Variants in CGNL1 observed in about 807,000 individuals in gnomAD.
CGNL1 encodes the protein cingulin like 1.
A neutral mutation model predicts 141.2 loss-of-function variants in CGNL1; 132 were observed. The observed-to-expected ratio is 0.93, with a 90% CI of 0.81 to 1.08. The LOEUF is 1.08. CGNL1 is among the 50% of genes least tolerant of loss of function. The pLI, the probability that CGNL1 is intolerant of heterozygous loss-of-function variation, is 0.00. For synonymous variants in CGNL1, 690 were observed against 622.1 expected, an observed-to-expected ratio of 1.11 and a Z score of -1.63; for missense variants, 1,870 against 1,588.6, an observed-to-expected ratio of 1.18 and a Z score of -3.01.
intron 3 of CGNL1, among the ~76,000 whole-genome samples, chr15:57,441,251 A>C (rs79248970): frequency 2.0e-5 from 3 of 148,448 alleles, no homozygotes; most frequent in African/African-American, 7.5e-5. Context: ...TGAAAGGGGG[A>C]AAAAAAAAGT....
chr15:57,496,931 A>G, intron 8 of CGNL1, among the ~76,000 whole-genome samples: 1 of 152,338 alleles, frequency 6.6e-6, no homozygotes, highest in South Asian at 2.1e-4. Flanking sequence ...GCCAGGGGCC[A>G]GGCACAGCAA....
At chr15:57,510,801 T>C (rs562773190) in intron 8 of CGNL1, among the ~76,000 whole-genome samples, 11 of 152,200 alleles carry the variant, frequency 7.2e-5, no homozygotes, top group Admixed American at 5.2e-4. Flanking sequence ...TCCTGGGCCA[T>C]CTGGGCCTTT....
chr15:57,421,986 C>G (rs1410504475), intron 1 of CGNL1, among the ~76,000 whole-genome samples: 1 of 151,980 alleles, frequency 6.6e-6, no homozygotes, highest in East Asian at 1.9e-4. Context: ...TTAGATTGAT[C>G]ATCATGTCTT....
At chr15:57,418,099 C>T (rs1169029510) in intron 1 of CGNL1, among the ~76,000 whole-genome samples, 2 of 152,030 alleles carry the variant, frequency 1.3e-5, no homozygotes, top group East Asian at 1.9e-4. Flanking sequence ...GAAGCATTTA[C>T]AAGAGAGGAG....
At chr15:57,389,371 G>C (rs2062518036) in intron 1 of CGNL1, among the ~76,000 whole-genome samples, 1 of 152,202 alleles carries the variant, frequency 6.6e-6, no homozygotes, top group Admixed American at 6.5e-5. Flanking sequence ...AGAAAAAGTA[G>C]ATTCTGCTAT....
intron 8 of CGNL1, among the ~76,000 whole-genome samples, chr15:57,479,741 A>T (rs776166206): frequency 1.5e-4 from 23 of 152,104 alleles, no homozygotes; most frequent in South Asian, 6.2e-4. Flanking sequence ...AACAAAACAA[A>T]ACAGGCAGAG....
chr15:57,438,403 G>C lies in CGNL1; in HGVS notation c.404G>C (p.Gly135Ala), dbSNP rs776336927. 6.2e-7 allele frequency: 1 copy of C among 1,614,180 alleles called. No homozygotes were observed. Among genetic ancestry groups the C allele is most frequent in the South Asian group, 1.1e-5 (1 of 91,092 alleles). Reference protein sequence around the residue: ...GKNGVLDRKDGSVKPSHLLNF... With the variant: ...GKNGVLDRKDASVKPSHLLNF... The stretch of plus-strand genomic sequence containing the variant: ...AATGGAGTTCTAGATCGCAAAGACG[G>C]GTCTGTGAAGCCATCTCACCTGCTG... The change falls in exon 2 of 19, where the codon GGG becomes GCG. Residue 135 changes from glycine (G) to alanine (A), a missense_variant. By Grantham distance (60) the Gly-to-Ala change is moderately conservative (BLOSUM62 0). Coordinates refer to ENST00000281282, the MANE Select transcript of CGNL1 (RefSeq NM_032866.5).
chr15:57,463,449 A>C (rs2063470933), intron 8 of CGNL1, among the ~76,000 whole-genome samples: 1 of 152,188 alleles, frequency 6.6e-6, no homozygotes, highest in African/African-American at 2.4e-5. Flanking sequence ...ACATTGACCC[A>C]TATCAGTCTG....
intron 8 of CGNL1, among the ~76,000 whole-genome samples, chr15:57,470,324 T>C (rs1422165877): frequency 6.8e-6 from 1 of 146,974 alleles, no homozygotes; most frequent in African/African-American, 2.5e-5. Flanking sequence ...CTGCATCTTG[T>C]ATTGATTAAA....
At chr15:57,437,724 A>G (rs1213029320) in intron 1 of CGNL1, among the ~76,000 whole-genome samples, 3 of 151,416 alleles carry the variant, frequency 2.0e-5, no homozygotes, top group Non-Finnish European at 1.5e-5. Context: ...AGGTCATTAC[A>G]CGGGTTGTCT....
chr15:57,386,964 G>C (rs1226444207), intron 1 of CGNL1, among the ~76,000 whole-genome samples: 2 of 152,050 alleles, frequency 1.3e-5, no homozygotes, highest in East Asian at 3.9e-4. Flanking sequence ...CCAATTTAAA[G>C]TGTACAGTGC....
intron 6 of CGNL1, 117 bp downstream of exon 6, chr15:57,452,406 T>G: frequency 7.7e-6 from 7 of 913,948 alleles, no homozygotes; most frequent in Non-Finnish European, 1.1e-5. Context: ...GGCAGCTGGC[T>G]TTTCCTTTTC....
At chr15:57,383,858 C>T (rs75893865) in intron 1 of CGNL1, among the ~76,000 whole-genome samples, 2,849 of 152,076 alleles carry the variant, frequency 0.019, 35 homozygotes, top group Non-Finnish European at 0.03. Context: ...AGGCAGGTCT[C>T]TAATTCCTGA....
intron 14 of CGNL1, among the ~76,000 whole-genome samples, chr15:57,538,015 C>A (rs1414517570): frequency 6.6e-6 from 1 of 152,208 alleles, no homozygotes; most frequent in Non-Finnish European, 1.5e-5. Context: ...TCCCCGCCAC[C>A]CCCCGCCCCA....
chr15:57,518,528 C>A, intron 10 of CGNL1, 31 bp downstream of exon 10: 1 of 1,474,788 alleles, frequency 6.8e-7, no homozygotes, highest in Non-Finnish European at 9.4e-7. Context: ...TCATTACTCC[C>A]TCAAGAAGAA....
chr15:57,384,139 C>T (rs1342127945), intron 1 of CGNL1, among the ~76,000 whole-genome samples: 1 of 152,062 alleles, frequency 6.6e-6, no homozygotes, highest in African/African-American at 2.4e-5. Flanking sequence ...ATAAGACCCA[C>T]CAGTTAGCTG....
At chr15:57,383,093 A>G (rs2062440951) in intron 1 of CGNL1, among the ~76,000 whole-genome samples, 1 of 152,126 alleles carries the variant, frequency 6.6e-6, no homozygotes, top group African/African-American at 2.4e-5. Flanking sequence ...GCAGCAGCTG[A>G]AAAGTTGATT....
chr15:57,410,276 C>T (rs1157554627), intron 1 of CGNL1, among the ~76,000 whole-genome samples: 7 of 152,188 alleles, frequency 4.6e-5, no homozygotes, highest in African/African-American at 4.8e-5. Context: ...TTTTACATGT[C>T]GTTAAGTAGA....
rs113222619 is a variant in CGNL1 at position 57,438,547 on chromosome 15, T to C, written c.548T>C (p.Ile183Thr). ...CTAAAAACGTTGACAGAAGAAGGCA[T>C]CAACAATAAGAAGCCTTGGACTTGC... is the stretch of plus-strand genomic sequence containing the variant. Reference protein sequence around the residue: ...NWLKTLTEEGINNKKPWTCFP... With the variant: ...NWLKTLTEEGTNNKKPWTCFP... The change falls in exon 2 of 19, where the codon ATC (isoleucine) becomes ACC (threonine). Residue 183 changes from isoleucine (I) to threonine (T), a missense_variant. By Grantham distance (89) the Ile-to-Thr change is moderately conservative (BLOSUM62 -1). Transcript: ENST00000281282. 50 of 1,613,858 alleles carry C rather than the reference T, an allele frequency of 3.1e-5. 1 individual carries two copies. The African/African-American group carries it at 5.1e-4, about 16-fold the overall frequency.
Sources: gnomAD v4.1 joint callset for allele counts (sites outside exome capture counted in the v4.1 genomes callset) on GRCh38, gnomAD v4.1.1 for gene constraint, MANE v1.5 for transcripts, NCBI Gene and HGNC (gene_info 2026-07-23, HGNC 2026-07-21) for gene names.